The following PGBD2 variants were observed in gnomAD, a reference collection of about 807,000 sequenced individuals.
PGBD2 encodes piggyBac transposable element derived 2, also known as piggyBac transposable element-derived protein 2.
In PGBD2, 6 loss-of-function variants were observed where a neutral mutation model predicts 8.1. That is an observed-to-expected ratio of 0.74 (90% CI 0.40 to 1.46). The LOEUF (loss-of-function observed/expected upper bound fraction) is 1.46, where lower values mean the gene tolerates loss of function less well. Ranked by LOEUF, PGBD2 falls within the 40% of genes most tolerant of loss-of-function variation. The pLI is 0.02. For synonymous variants in PGBD2, 318 were observed against 272.2 expected (o/e 1.17, Z -1.66); for missense variants, 802 against 739.0 (o/e 1.09, Z -0.99).
the PGBD2 span, among the ~76,000 whole-genome samples, chr1:248,898,434 G>A: frequency 9.3e-4 from 142 of 152,258 alleles, no homozygotes; most frequent in African/African-American, 3.2e-3. Context: ...GATTACAGGC[G>A]TGAGCCACCG....
downstream of PGBD2, among the ~76,000 whole-genome samples, chr1:248,922,261 G>C (rs1439256677): frequency 2.0e-5 from 3 of 151,970 alleles, no homozygotes; most frequent in African/African-American, 7.3e-5. Flanking sequence ...GGGTTTCACC[G>C]TGTTAGCCAG....
At chr1:248,883,670 T>C in the PGBD2 span, among the ~76,000 whole-genome samples, 20,852 of 147,226 alleles carry the variant, frequency 0.14, 2,911 homozygotes, top group African/African-American at 0.37. Context: ...GATCTCGGCT[T>C]ACTGCAACCT....
Position 248,917,579 on chromosome 1 carries a change from T to A in PGBD2, c.995T>A (p.Ile332Lys). The change falls in exon 3 of 3, where the codon ATA (isoleucine) becomes AAA (lysine). Residue 332 changes from isoleucine to lysine, a missense_variant. Coordinates refer to ENST00000329291, the MANE Select transcript of PGBD2 (RefSeq NM_170725.3). ...RSLDLGGSMVIKFVDALQERG... is the reference protein window; with the variant it reads ...RSLDLGGSMVKKFVDALQERG... ...TTGGATCTAGGAGGCAGTATGGTAA[T>A]AAAATTTGTGGATGCGCTTCAGGAG... The A allele has an allele frequency of 6.2e-7, 1 of 1,614,190 alleles. No homozygotes were observed. Among genetic ancestry groups the A allele is most frequent in the Non-Finnish European group, 8.5e-7 (1 of 1,180,042 alleles).
chr1:248,912,309 A>T (rs1330868282), intron 1 of PGBD2, among the ~76,000 whole-genome samples: 4 of 152,206 alleles, frequency 2.6e-5, no homozygotes, highest in Admixed American at 6.5e-5. Flanking sequence ...CCATTAAATT[A>T]TTCAAGCGTG....
chr1:248,923,691 A>G (rs1435591151), downstream of PGBD2, among the ~76,000 whole-genome samples: 1 of 152,248 alleles, frequency 6.6e-6, no homozygotes, highest in Non-Finnish European at 1.5e-5. Context: ...TCTTTTCCTC[A>G]TACAGTCAAT....
In PGBD2 at chr1:248,917,477, G is replaced by A. The variant is rs376829619; in HGVS notation, c.893G>A (p.Cys298Tyr). 3.7e-6 allele frequency: 6 copies of A among 1,614,054 alleles called. No individual in the cohort carries two copies. In the African/African-American group the frequency reaches 8.0e-5, roughly 22 times the overall value. ...GTGCGACTTGGCTACAAGATTTGGT[G>A]TGGGACAACCAGCAGAGGCTACTTG... Reference protein sequence around the residue: ...KPVRLGYKIWCGTTSRGYLVW... With the variant: ...KPVRLGYKIWYGTTSRGYLVW... Residue 298 changes from cysteine to tyrosine, a missense_variant, in exon 3 of 3, where the codon TGT (cysteine) becomes TAT (tyrosine). Transcript: ENST00000329291.
Position 248,916,592 on chromosome 1 carries a change from G to C in PGBD2, c.18-10G>C. 1 of 1,612,218 alleles carries C rather than the reference G, an allele frequency of 6.2e-7. No individual in the cohort carries two copies. Among genetic ancestry groups the C allele is most frequent in the East Asian group, 2.2e-5 (1 of 44,864 alleles). On this transcript the variant is annotated splice_polypyrimidine_tract_variant and intron_variant, in intron 2 of 2. Coordinates refer to ENST00000329291, the MANE Select transcript of PGBD2 (RefSeq NM_170725.3). ...TGGCCTCTTCCTGATTCTGTTTCCT[G>C]TCATAACAGAGATGTCATTGCTGGG...
At chr1:248,880,394 G>A in the PGBD2 span, among the ~76,000 whole-genome samples, 290 of 152,342 alleles carry the variant, frequency 1.9e-3, no homozygotes, top group African/African-American at 6.5e-3. Flanking sequence ...TGTGTAAGCC[G>A]TATGTATTTT....
chr1:248,876,086 G>A, the PGBD2 span, among the ~76,000 whole-genome samples: 179 of 150,778 alleles, frequency 1.2e-3, no homozygotes, highest in African/African-American at 4.1e-3. Context: ...TTGGCTCACC[G>A]CAACCTCCGC....
rs1245511042 is a variant in PGBD2 at position 248,917,326 on chromosome 1, C to T, written c.742C>T (p.Leu248Phe). 6.2e-7 allele frequency: 1 copy of T among 1,614,208 alleles called. No homozygotes were observed. Among genetic ancestry groups the T allele is most frequent in the Non-Finnish European group, 8.5e-7 (1 of 1,180,026 alleles). The change falls in exon 3 of 3, where the codon CTC becomes TTC. Residue 248 changes from leucine to phenylalanine, a missense_variant. Leu to Phe is a conservative substitution (Grantham distance 22). Coordinates refer to ENST00000329291, the MANE Select transcript of PGBD2 (RefSeq NM_170725.3). Reference sequence around the variant, plus strand: ...TGATAGGTTTGCCAAGGTCAGACCTCTCATCATCCGGATGAACTGCAATTT... The same window carrying T: ...TGATAGGTTTGCCAAGGTCAGACCTTTCATCATCCGGATGAACTGCAATTT... The part of the protein sequence containing the change: ...ASDRFAKVRP[L>F]IIRMNCNFQK...
At chr1:248,916,521 G>C in intron 2 of PGBD2, 81 bp from the exon 3 acceptor site, 6 of 1,252,666 alleles carry the variant, frequency 4.8e-6, no homozygotes, top group Non-Finnish European at 6.8e-6. Context: ...GTGTTTTATA[G>C]TGGGAGCACC....
chr1:248,879,220 G>A, the PGBD2 span, among the ~76,000 whole-genome samples: 2 of 152,080 alleles, frequency 1.3e-5, no homozygotes, highest in East Asian at 3.8e-4. Flanking sequence ...GGTACTTGGG[G>A]TATCTCCCAT....
At chr1:248,895,873 A>C in the PGBD2 span, among the ~76,000 whole-genome samples, 1 of 151,706 alleles carries the variant, frequency 6.6e-6, no homozygotes, top group Non-Finnish European at 1.5e-5. Context: ...TTTTTAGTAG[A>C]GACAGGGTTT....
At chr1:248,920,419 A>G (rs1662260374), downstream of PGBD2, among the ~76,000 whole-genome samples, 1 of 151,792 alleles carries the variant, frequency 6.6e-6, no homozygotes, top group Non-Finnish European at 1.5e-5. Context: ...TTCTTGTGAT[A>G]GTTTGTTGAG....
intron 2 of PGBD2, among the ~76,000 whole-genome samples, chr1:248,915,408 T>G (rs1462448133): frequency 6.6e-6 from 1 of 152,238 alleles, no homozygotes; most frequent in Non-Finnish European, 1.5e-5. Flanking sequence ...GTCAATAAAT[T>G]ATATGAGCTA....
the PGBD2 span, among the ~76,000 whole-genome samples, chr1:248,928,535 T>C: frequency 2.6e-5 from 4 of 152,208 alleles, no homozygotes; most frequent in Non-Finnish European, 5.9e-5. Context: ...TTTTTCACTG[T>C]CTTTTGAAAA....
the PGBD2 span, among the ~76,000 whole-genome samples, chr1:248,897,192 GC>G: frequency 3.3e-5 from 5 of 149,662 alleles, no homozygotes; most frequent in Non-Finnish European, 5.9e-5. Context: ...ATGTGAAGGT[GC>G]TTTTTACCTT....
chr1:248,873,951 A>C, the PGBD2 span, among the ~76,000 whole-genome samples: 1 of 152,170 alleles, frequency 6.6e-6, no homozygotes, highest in Non-Finnish European at 1.5e-5. Context: ...TTCGAATCCC[A>C]CTTCTGACAC....
chr1:248,906,636 G>T (rs1661649000), intron 1 of PGBD2, among the ~76,000 whole-genome samples: 1 of 146,008 alleles, frequency 6.8e-6, no homozygotes, highest in Admixed American at 6.8e-5. Flanking sequence ...GATTCAGGGC[G>T]GGGTGGGAGG....
Sources: gnomAD v4.1 joint callset for allele counts (sites outside exome capture counted in the v4.1 genomes callset) on GRCh38, gnomAD v4.1.1 for gene constraint, MANE v1.5 for transcripts, NCBI Gene and HGNC (gene_info 2026-07-23, HGNC 2026-07-21) for gene names.